HS3ST4: variants seen among roughly 807,000 people sequenced by gnomAD.
The protein encoded by HS3ST4 is heparan sulfate-glucosamine 3-sulfotransferase 4.
HS3ST4 carries 17 observed loss-of-function variants against 29.2 expected under a neutral mutation model. The observed-to-expected ratio is 0.58, with a 90% CI of 0.40 to 0.87. The LOEUF is 0.87. Among genes scored for constraint, HS3ST4 ranks in the 40% least tolerant of loss-of-function variants. HS3ST4 has a pLI of 0.00. For missense variants in HS3ST4, 627 were observed against 634.5 expected (o/e 0.99, Z 0.13); for synonymous variants, 314 against 285.7 (o/e 1.10, Z -1.00).
chr16:25,723,609 G>T (rs985816905), intron 1 of HS3ST4, among the ~76,000 whole-genome samples: 11 of 152,146 alleles, frequency 7.2e-5, no homozygotes, highest in African/African-American at 2.7e-4. Flanking sequence ...AGTAACATCT[G>T]AAAGAATGGA....
intron 1 of HS3ST4, among the ~76,000 whole-genome samples, chr16:25,731,382 C>G (rs568661863): frequency 2.0e-5 from 3 of 152,216 alleles, no homozygotes; most frequent in Admixed American, 1.3e-4. Context: ...CCTGTGTTGC[C>G]CAGGCTGGAG....
chr16:25,715,089 G>T (rs977843254), intron 1 of HS3ST4, among the ~76,000 whole-genome samples: 2 of 151,896 alleles, frequency 1.3e-5, no homozygotes, highest in African/African-American at 4.8e-5. Context: ...TTGGGAGGCC[G>T]AGGCGGGTGG....
chr16:26,011,118 T>C (rs1969306136), intron 1 of HS3ST4, among the ~76,000 whole-genome samples: 1 of 152,168 alleles, frequency 6.6e-6, no homozygotes, highest in Non-Finnish European at 1.5e-5. Context: ...AGGACACAGC[T>C]TGGCATGGTT....
intron 1 of HS3ST4, among the ~76,000 whole-genome samples, chr16:25,708,164 T>A (rs1966389073): frequency 6.6e-6 from 1 of 152,206 alleles, no homozygotes; most frequent in South Asian, 2.1e-4. Context: ...TCCCTGCTAT[T>A]TAAGTATGCT....
intron 1 of HS3ST4, among the ~76,000 whole-genome samples, chr16:25,780,419 G>A (rs990944774): frequency 2.6e-5 from 4 of 152,222 alleles, no homozygotes; most frequent in East Asian, 1.9e-4. Flanking sequence ...TCTCTGCATC[G>A]GTAAAGTTTG....
chr16:25,996,275 A>G (rs1038710335), intron 1 of HS3ST4, among the ~76,000 whole-genome samples: 40 of 152,242 alleles, frequency 2.6e-4, no homozygotes, highest in African/African-American at 8.9e-4. Flanking sequence ...TTCCTCCTCC[A>G]CCAGAGGGCC....
chr16:26,003,869 C>T (rs1170916817), intron 1 of HS3ST4, among the ~76,000 whole-genome samples: 1 of 152,034 alleles, frequency 6.6e-6, no homozygotes, highest in Non-Finnish European at 1.5e-5. Flanking sequence ...ATGTGCCTAC[C>T]CCTGTGTGCT....
intron 1 of HS3ST4, among the ~76,000 whole-genome samples, chr16:25,864,283 A>G (rs550347681): frequency 6.6e-6 from 1 of 152,346 alleles, no homozygotes; most frequent in Admixed American, 6.5e-5. Context: ...TAACACATCC[A>G]TCACCTTAGA....
chr16:25,726,737 G>A (rs967893333), intron 1 of HS3ST4, among the ~76,000 whole-genome samples: 17 of 152,212 alleles, frequency 1.1e-4, no homozygotes, highest in Non-Finnish European at 2.1e-4. Context: ...GAGGGGAGAA[G>A]TGTTTTCAGC....
intron 1 of HS3ST4, among the ~76,000 whole-genome samples, chr16:25,918,544 G>A (rs1477347063): frequency 5.3e-5 from 8 of 152,346 alleles, no homozygotes; most frequent in South Asian, 2.1e-4. Context: ...GGGCGCTGGC[G>A]TGAGGCCAAT....
intron 1 of HS3ST4, among the ~76,000 whole-genome samples, chr16:25,864,008 G>A (rs1967664983): frequency 7.4e-6 from 1 of 134,720 alleles, no homozygotes; most frequent in African/African-American, 2.5e-5. Context: ...CCTTCCTGCT[G>A]CCTGCCGCCT....
chr16:25,810,656 T>G (rs1212825517), intron 1 of HS3ST4, among the ~76,000 whole-genome samples: 1 of 152,230 alleles, frequency 6.6e-6, no homozygotes, highest in Admixed American at 6.5e-5. Flanking sequence ...TTTTACTCAT[T>G]TTTATATTGC....
chr16:26,050,977 A>C (rs1898334868), intron 1 of HS3ST4, among the ~76,000 whole-genome samples: 1 of 152,078 alleles, frequency 6.6e-6, no homozygotes, highest in Non-Finnish European at 1.5e-5. Flanking sequence ...GCTGGAATGG[A>C]GGGAACCACG....
intron 1 of HS3ST4, among the ~76,000 whole-genome samples, chr16:25,765,904 G>A (rs1178870317): frequency 1.3e-5 from 2 of 152,164 alleles, no homozygotes; most frequent in Non-Finnish European, 2.9e-5. Flanking sequence ...TGACTTGCCA[G>A]CGTCTCTAGT....
At chr16:25,966,578 G>A (rs1300136572) in intron 1 of HS3ST4, among the ~76,000 whole-genome samples, 2 of 152,116 alleles carry the variant, frequency 1.3e-5, no homozygotes, top group Non-Finnish European at 2.9e-5. Context: ...CAGCAGCTGG[G>A]GCAGACTGAC....
intron 1 of HS3ST4, among the ~76,000 whole-genome samples, chr16:26,001,069 A>G (rs1969207702): frequency 6.6e-6 from 1 of 151,658 alleles, no homozygotes; most frequent in Admixed American, 6.5e-5. Flanking sequence ...AAAAAAAGCA[A>G]TAAAAGACAT....
chr16:25,882,215 C>A (rs1967902061), intron 1 of HS3ST4, among the ~76,000 whole-genome samples: 1 of 152,156 alleles, frequency 6.6e-6, no homozygotes, highest in South Asian at 2.1e-4. Flanking sequence ...AGTGAATACA[C>A]CTTTGAGAAG....
At chr16:25,895,809 A>G (rs1187150373) in intron 1 of HS3ST4, among the ~76,000 whole-genome samples, 1 of 152,056 alleles carries the variant, frequency 6.6e-6, no homozygotes, top group South Asian at 2.1e-4. Context: ...TTCATTCCTG[A>G]GGGCCCCCAT....
rs915595710 is a variant in HS3ST4 at position 25,943,560 on chromosome 16, TA to T, written c.735-192043del. Among the ~76,000 whole-genome samples the T allele has an allele frequency of 7.8e-3, 1,187 of 151,490 alleles. 8 individuals carry two copies. Among genetic ancestry groups the T allele is most frequent in the African/African-American group, 0.025 (1,015 of 41,364 alleles). On this transcript the variant is annotated intron_variant, in intron 1 of 1. Coordinates refer to ENST00000331351, the MANE Select transcript of HS3ST4 (RefSeq NM_006040.3). ...TAAATGTGGGTATAGTACTTATGTT[TA>T]AAAAAAAATACTGAGGATGATTTCT...
Sources: allele counts gnomAD v4.1 joint callset (sites outside exome capture counted in the v4.1 genomes callset), GRCh38; gene constraint gnomAD v4.1.1; transcripts MANE v1.5; gene names NCBI Gene and HGNC (gene_info 2026-07-23, HGNC 2026-07-21).